The following MIPEP variants were observed in gnomAD, a reference collection of about 807,000 sequenced individuals.
MIPEP encodes mitochondrial intermediate peptidase.
A neutral mutation model predicts 90.3 loss-of-function variants in MIPEP; 79 were observed. The observed-to-expected ratio is 0.87, with a 90% CI of 0.73 to 1.05. MIPEP has a LOEUF of 1.05. Ranked by LOEUF, MIPEP falls within the 50% of genes least tolerant of loss-of-function variation. The probability of loss-of-function intolerance (pLI) is 0.00; values close to 1 mark genes in which losing one functional copy is unlikely to be tolerated. For missense variants in MIPEP, 940 were observed against 905.6 expected (o/e 1.04, Z -0.49); for synonymous variants, 334 against 315.8 (o/e 1.06, Z -0.61).
intron 14 of MIPEP, among the ~76,000 whole-genome samples, chr13:23,813,631 G>A (rs1378667523): frequency 6.6e-6 from 1 of 152,014 alleles, no homozygotes; most frequent in Non-Finnish European, 1.5e-5. Flanking sequence ...GGCTTTCACT[G>A]TATTGCCCAG....
In MIPEP at chr13:23,811,567, A is replaced by G. The variant is rs115577176; in HGVS notation, c.1654-1643T>C. Among the ~76,000 whole-genome samples the G allele has an allele frequency of 7.3e-3, 1,109 of 152,302 alleles. 10 individuals are homozygous for G. The highest frequency in any genetic ancestry group is 0.026 in the African/African-American group (1,076 of 41,556). On this transcript the variant is annotated intron_variant, in intron 14 of 18. Transcript: ENST00000382172. ...AGATACACTTAAACAATCACCTGCCACTGCTAAGCTTGCTTTTCTATAAGT... is the reference window on the plus strand; with the variant it reads ...AGATACACTTAAACAATCACCTGCCGCTGCTAAGCTTGCTTTTCTATAAGT...
At position 23,889,131 on chromosome 13, in the gene MIPEP, C is replaced by T. The variant is rs1810593360; in HGVS notation, c.189+1G>A. 1.4e-6 allele frequency: 2 copies of T among 1,416,706 alleles called. No homozygotes were observed. The highest frequency in any genetic ancestry group is 1.5e-5 in the African/African-American group (1 of 66,016). The allele number at this position is 1,416,706 out of a possible 1,614,324, so 87.8% of individuals were successfully genotyped here. ...AGGGGAGCTCCTCCTGCGCCGCTCA[C>T]CCGGCGCTCGCCGAACAGGTCCAAG... On this transcript the variant is annotated splice_donor_variant, in intron 1 of 18. Coordinates refer to ENST00000382172, the MANE Select transcript of MIPEP (RefSeq NM_005932.4). LOFTEE classifies it high-confidence loss of function.
chr13:23,846,228 A>G (rs1869531034), intron 10 of MIPEP, among the ~76,000 whole-genome samples: 1 of 152,178 alleles, frequency 6.6e-6, no homozygotes, highest in African/African-American at 2.4e-5. Context: ...CAGAGAGGAG[A>G]AGAATAGAGA....
intron 16 of MIPEP, among the ~76,000 whole-genome samples, chr13:23,773,992 T>C (rs1412891468): frequency 6.6e-6 from 1 of 152,230 alleles, no homozygotes; most frequent in African/African-American, 2.4e-5. Flanking sequence ...TAAGAAGCCA[T>C]TGCCTAATCC....
At chr13:23,762,510 T>A (rs1367358957) in intron 16 of MIPEP, among the ~76,000 whole-genome samples, 1 of 152,068 alleles carries the variant, frequency 6.6e-6, no homozygotes, top group Non-Finnish European at 1.5e-5. Flanking sequence ...TGCAATCAAT[T>A]TAGGACATGG....
intron 4 of MIPEP, among the ~76,000 whole-genome samples, chr13:23,878,754 AATC>A (rs1304542885): frequency 1.3e-5 from 2 of 152,218 alleles, no homozygotes; most frequent in East Asian, 3.9e-4. Flanking sequence ...AACCAAAGCA[AATC>A]ATTACAAGGA....
rs1010238915 is a variant in MIPEP at position 23,889,344 on chromosome 13, C to T, written c.-24G>A. On this transcript the variant is annotated 5_prime_UTR_variant, in exon 1 of 19. Transcript: ENST00000382172. ...ATTCTAGCACCAGAGCAGTCCCTTC[C>T]TCCAACGCAGATCCCTGCCCTGCTG... 16 of 1,299,820 alleles carry T rather than the reference C, an allele frequency of 1.2e-5. No homozygotes were observed. In the African/African-American group the frequency reaches 2.5e-4, roughly 20 times the overall value. The allele number at this position is 1,299,820 out of a possible 1,614,324, so 80.5% of individuals were successfully genotyped here.
intron 10 of MIPEP, among the ~76,000 whole-genome samples, chr13:23,854,048 A>G (rs74553290): frequency 0.018 from 2,677 of 151,656 alleles, 27 homozygotes; most frequent in Middle Eastern, 0.034. Context: ...GTAATTGGCC[A>G]GGCGCGGTGG....
chr13:23,864,527 G>C (rs1420949249), intron 7 of MIPEP, among the ~76,000 whole-genome samples: 1 of 152,092 alleles, frequency 6.6e-6, no homozygotes, highest in African/African-American at 2.4e-5. Context: ...CCTGAGGTCA[G>C]GAGTTCAAGA....
At chr13:23,740,403 G>A (rs1304636000) in intron 18 of MIPEP, among the ~76,000 whole-genome samples, 1 of 149,572 alleles carries the variant, frequency 6.7e-6, no homozygotes, top group Non-Finnish European at 1.5e-5. Context: ...GAGCCCTGTT[G>A]TAACTTCTTC....
intron 5 of MIPEP, 135 bp from the exon 6 acceptor site, chr13:23,870,330 AAATG>A (rs2137518109): frequency 2.5e-6 from 1 of 404,772 alleles, no homozygotes; most frequent in East Asian, 4.2e-5. Flanking sequence ...TAGTTTAGTA[AAATG>A]AATATATTGT....
intron 14 of MIPEP, among the ~76,000 whole-genome samples, chr13:23,823,930 T>A (rs1953337703): frequency 6.6e-6 from 1 of 152,188 alleles, no homozygotes; most frequent in African/African-American, 2.4e-5. Flanking sequence ...ACTGCATCAG[T>A]TGTCCACAGC....
chr13:23,791,366 A>G (rs533926593), intron 16 of MIPEP, among the ~76,000 whole-genome samples: 1 of 152,196 alleles, frequency 6.6e-6, no homozygotes, highest in East Asian at 1.9e-4. Context: ...CCACTCTGCC[A>G]TCTCTCCCAC....
chr13:23,799,208 C>G (rs926780335), intron 16 of MIPEP, among the ~76,000 whole-genome samples: 2 of 151,624 alleles, frequency 1.3e-5, no homozygotes, highest in African/African-American at 4.8e-5. Context: ...CAGGGTTTCA[C>G]CATGTTGCCC....
chr13:23,736,770 T>C (rs768113016), intron 18 of MIPEP, among the ~76,000 whole-genome samples: 1 of 152,156 alleles, frequency 6.6e-6, no homozygotes, highest in Non-Finnish European at 1.5e-5. Flanking sequence ...AGAACCACGG[T>C]GGCTGTTTAC....
chr13:23,826,396 C>G (rs75035091), intron 14 of MIPEP, among the ~76,000 whole-genome samples: 15,176 of 152,110 alleles, frequency 0.1, 975 homozygotes, highest in Non-Finnish European at 0.14. Context: ...ACAGATGGAA[C>G]ATTTCTAAAA....
intron 14 of MIPEP, among the ~76,000 whole-genome samples, chr13:23,834,540 G>A (rs1868936063): frequency 5.3e-5 from 8 of 152,242 alleles, no homozygotes; most frequent in Admixed American, 5.2e-4. Flanking sequence ...TGCTGAGAAT[G>A]CAGACTGGTA....
intron 14 of MIPEP, among the ~76,000 whole-genome samples, chr13:23,822,424 C>T (rs1245210253): frequency 6.6e-6 from 1 of 152,214 alleles, no homozygotes; most frequent in African/African-American, 2.4e-5. Context: ...ATTGCCCCAC[C>T]CCGCAAGGCT....
intron 18 of MIPEP, among the ~76,000 whole-genome samples, chr13:23,756,190 T>G (rs1484856212): frequency 6.6e-6 from 1 of 152,274 alleles, no homozygotes; most frequent in Non-Finnish European, 1.5e-5. Flanking sequence ...GTTTTGCTCA[T>G]GTTGCCCAGG....
Sources: allele counts gnomAD v4.1 joint callset (sites outside exome capture counted in the v4.1 genomes callset), GRCh38; gene constraint gnomAD v4.1.1; transcripts MANE v1.5; gene names NCBI Gene and HGNC (gene_info 2026-07-23, HGNC 2026-07-21).